Variants in GRAMD1C observed in about 807,000 individuals in gnomAD.
GRAMD1C encodes GRAM domain containing 1C.
GRAMD1C carries 89 observed loss-of-function variants against 97.8 expected under a neutral mutation model. The ratio of observed to expected loss-of-function variants is 0.91; its 90% CI spans 0.77 to 1.09. The LOEUF (loss-of-function observed/expected upper bound fraction) is 1.09, where lower values mean the gene tolerates loss of function less well. Ranked by LOEUF, GRAMD1C falls within the 50% of genes least tolerant of loss-of-function variation. GRAMD1C has a pLI of 0.00. For missense variants in GRAMD1C, 740 were observed against 766.4 expected, an observed-to-expected ratio of 0.97 and a Z score of 0.41; for synonymous variants, 256 against 267.0, an observed-to-expected ratio of 0.96 and a Z score of 0.40.
chr3:113,907,595 T>A (rs1427787433), intron 8 of GRAMD1C, among the ~76,000 whole-genome samples: 2 of 152,190 alleles, frequency 1.3e-5, no homozygotes, highest in African/African-American at 4.8e-5. Flanking sequence ...CTTTGCCTCA[T>A]TTTCACTTCT....
chr3:113,858,082 T>A (rs537936208), intron 2 of GRAMD1C, among the ~76,000 whole-genome samples: 9 of 152,318 alleles, frequency 5.9e-5, no homozygotes, highest in Admixed American at 3.9e-4. Context: ...TTTTTAATGT[T>A]TTGTAGAATT....
intron 10 of GRAMD1C, among the ~76,000 whole-genome samples, chr3:113,921,525 GAAATTGCC>G (rs1937054800): frequency 6.6e-6 from 1 of 152,198 alleles, no homozygotes; most frequent in African/African-American, 2.4e-5. Context: ...AGTTCTTTGA[GAAATTGCC>G]AAATTGCTTT....
chr3:113,886,016 A>G, intron 6 of GRAMD1C: 5 of 1,311,240 alleles, frequency 3.8e-6, no homozygotes, highest in Middle Eastern at 3.0e-4. Flanking sequence ...ACCTTCACCA[A>G]CATCGGCTCT....
At chr3:113,924,650 G>A (rs1181876450) in intron 10 of GRAMD1C, among the ~76,000 whole-genome samples, 1 of 152,022 alleles carries the variant, frequency 6.6e-6, no homozygotes, top group African/African-American at 2.4e-5. Flanking sequence ...TATAATTTTG[G>A]GTGTTTTGCA....
Position 113,841,281 on chromosome 3 carries a change from C to CTTTATT in GRAMD1C, c.27+2348_27+2349insATTTTT, listed in dbSNP as rs1269088707. Among the ~76,000 whole-genome samples, 116 of 17,564 alleles carry CTTTATT rather than the reference C, an allele frequency of 6.6e-3. 1 individual carries two copies. The highest frequency in any genetic ancestry group is 0.013 in the African/African-American group (111 of 8,642). The allele number at this position is 17,564 out of a possible 152,430, so 11.5% of individuals were successfully genotyped here. ...ACTTTCACAAAGTACTTCTTTCTTT[C>CTTTATT]TTTCTTTTTTTTTTTTTTTTGCGAG... On this transcript the variant is annotated intron_variant, in intron 1 of 17. Coordinates refer to ENST00000358160, the MANE Select transcript of GRAMD1C (RefSeq NM_017577.5).
intron 7 of GRAMD1C, among the ~76,000 whole-genome samples, chr3:113,903,077 G>C (rs1936236103): frequency 6.6e-6 from 1 of 151,100 alleles, no homozygotes; most frequent in African/African-American, 2.4e-5. Flanking sequence ...CGAGTCTTCT[G>C]CCTCAGCCTC....
At chr3:113,940,672 CATA>C (rs1937732295) in intron 17 of GRAMD1C, among the ~76,000 whole-genome samples, 1 of 152,010 alleles carries the variant, frequency 6.6e-6, no homozygotes, top group South Asian at 2.1e-4. Context: ...AAATTCGATG[CATA>C]ATATTAAGCT....
At chr3:113,936,186 A>G (rs1339911030) in intron 13 of GRAMD1C, 80 bp from the exon 14 acceptor site, 6 of 790,456 alleles carry the variant, frequency 7.6e-6, no homozygotes, top group East Asian at 5.4e-5. Flanking sequence ...AAAATTATCA[A>G]AAATAACCAC....
intron 10 of GRAMD1C, chr3:113,920,070 G>T: frequency 9.2e-7 from 1 of 1,091,292 alleles, no homozygotes; most frequent in Non-Finnish European, 1.4e-6. Flanking sequence ...GAAGACTGAA[G>T]GTACTTCAAA....
chr3:113,834,467 C>T (rs558977662), upstream of GRAMD1C, among the ~76,000 whole-genome samples: 1 of 152,250 alleles, frequency 6.6e-6, no homozygotes, highest in African/African-American at 2.4e-5. Flanking sequence ...GCATGAGCCA[C>T]CGCACCCAGC....
chr3:113,937,367 A>C (rs1363552149), intron 14 of GRAMD1C, among the ~76,000 whole-genome samples: 1 of 152,138 alleles, frequency 6.6e-6, no homozygotes, highest in African/African-American at 2.4e-5. Flanking sequence ...GTAACAATGA[A>C]TAGGTGATAA....
intron 2 of GRAMD1C, 102 bp downstream of exon 2, chr3:113,844,751 A>G (rs1933537085): frequency 1.3e-6 from 1 of 781,620 alleles, no homozygotes; most frequent in Non-Finnish European, 2.0e-6. Flanking sequence ...CTTAGCTTCT[A>G]GATTTTAGAT....
chr3:113,901,579 G>T (rs1936173747), intron 7 of GRAMD1C, among the ~76,000 whole-genome samples: 1 of 152,170 alleles, frequency 6.6e-6, no homozygotes, highest in Non-Finnish European at 1.5e-5. Flanking sequence ...TTAATGGAAG[G>T]AGCATATAGC....
chr3:113,855,135 A>G (rs1231036262), intron 2 of GRAMD1C, among the ~76,000 whole-genome samples: 1 of 152,024 alleles, frequency 6.6e-6, no homozygotes, highest in Non-Finnish European at 1.5e-5. Flanking sequence ...AACATGGAGA[A>G]ACCCTGTCTC....
chr3:113,940,747 C>T (rs1278130684), intron 17 of GRAMD1C, among the ~76,000 whole-genome samples: 4 of 152,110 alleles, frequency 2.6e-5, no homozygotes. Flanking sequence ...ATCTATTAAC[C>T]ATATATCTTG....
At chr3:113,862,229 C>T (rs1934405324) in intron 2 of GRAMD1C, among the ~76,000 whole-genome samples, 1 of 152,106 alleles carries the variant, frequency 6.6e-6, no homozygotes, top group Non-Finnish European at 1.5e-5. Context: ...GTGGGAATTT[C>T]CTTGTCCTAA....
At chr3:113,875,644 G>A in intron 4 of GRAMD1C, 57 bp downstream of exon 4, 1 of 786,422 alleles carries the variant, frequency 1.3e-6, no homozygotes, top group South Asian at 1.5e-5. Flanking sequence ...GATATATACA[G>A]TTCTTCCAAA....
intron 17 of GRAMD1C, among the ~76,000 whole-genome samples, chr3:113,941,975 G>T (rs1937811971): frequency 6.6e-6 from 1 of 150,668 alleles, no homozygotes; most frequent in South Asian, 2.1e-4. Context: ...GAGTGCAGTG[G>T]CATGAACACG....
At chr3:113,836,805 G>A (rs1374104865), upstream of GRAMD1C, among the ~76,000 whole-genome samples, 4 of 151,754 alleles carry the variant, frequency 2.6e-5, no homozygotes, top group African/African-American at 7.3e-5. Flanking sequence ...CATCACGCCC[G>A]ACTAATTTTT....
Sources: gnomAD v4.1 joint callset for allele counts (sites outside exome capture counted in the v4.1 genomes callset) on GRCh38, gnomAD v4.1.1 for gene constraint, MANE v1.5 for transcripts, NCBI Gene and HGNC (gene_info 2026-07-23, HGNC 2026-07-21) for gene names.